The following PRKG1 variants were observed in gnomAD, a reference collection of about 807,000 sequenced individuals.
PRKG1 encodes cGMP-dependent protein kinase 1.
PRKG1 carries 35 observed loss-of-function variants against 88.1 expected under a neutral mutation model. The observed-to-expected ratio is 0.40, with a 90% CI of 0.30 to 0.53. PRKG1 has a LOEUF of 0.53. PRKG1 is among the 20% of genes least tolerant of loss of function. The pLI is 0.59. For synonymous variants in PRKG1, 303 were observed against 292.5 expected (o/e 1.04, Z -0.37); for missense variants, 540 against 839.8 (o/e 0.64, Z 4.41).
chr10:51,304,678 C>T (rs2132246706), intron 2 of PRKG1, among the ~76,000 whole-genome samples: 1 of 139,618 alleles, frequency 7.2e-6, no homozygotes, highest in Non-Finnish European at 1.5e-5. Flanking sequence ...GTTCCCCTTC[C>T]TGTGTCCATG....
At chr10:51,032,822 C>G (rs1431031800) in intron 1 of PRKG1, among the ~76,000 whole-genome samples, 1 of 151,868 alleles carries the variant, frequency 6.6e-6, no homozygotes, top group African/African-American at 2.4e-5. Flanking sequence ...TTATTCTAAG[C>G]TTTCTTATTG....
At chr10:52,179,258 C>A (rs1427388043) in intron 9 of PRKG1, among the ~76,000 whole-genome samples, 1 of 152,020 alleles carries the variant, frequency 6.6e-6, no homozygotes, top group Non-Finnish European at 1.5e-5. Context: ...GGGAGCATTT[C>A]TTCTAAGGCC....
intron 9 of PRKG1, among the ~76,000 whole-genome samples, chr10:52,229,018 A>T (rs977957475): frequency 6.6e-6 from 1 of 152,234 alleles, no homozygotes; most frequent in African/African-American, 2.4e-5. Context: ...TAATAAACTC[A>T]CATGACATGA....
chr10:51,407,762 G>A (rs939610523), intron 2 of PRKG1, among the ~76,000 whole-genome samples: 2 of 152,112 alleles, frequency 1.3e-5, no homozygotes, highest in African/African-American at 4.8e-5. Context: ...TAATCACAGG[G>A]CATGGTAACA....
intron 4 of PRKG1, among the ~76,000 whole-genome samples, chr10:51,903,126 T>C (rs1306571046): frequency 6.6e-6 from 1 of 152,150 alleles, no homozygotes; most frequent in Admixed American, 6.6e-5. Flanking sequence ...AAATGGGACA[T>C]CTACTAATAC....
chr10:51,602,155 C>T (rs534892984), intron 3 of PRKG1, among the ~76,000 whole-genome samples: 33 of 151,990 alleles, frequency 2.2e-4, no homozygotes, highest in Non-Finnish European at 1.2e-4. Flanking sequence ...TACATTAGCC[C>T]GAGGGGTTCG....
intron 3 of PRKG1, among the ~76,000 whole-genome samples, chr10:51,677,224 T>G (rs1365431564): frequency 6.6e-6 from 1 of 152,210 alleles, no homozygotes; most frequent in Non-Finnish European, 1.5e-5. Context: ...TCATTTTTAT[T>G]GTTGTCTAGT....
At chr10:51,425,543 A>C (rs1177833746) in intron 2 of PRKG1, among the ~76,000 whole-genome samples, 1 of 152,148 alleles carries the variant, frequency 6.6e-6, no homozygotes, top group African/African-American at 2.4e-5. Flanking sequence ...AGTCTGATTT[A>C]ATAGAGGAGT....
intron 3 of PRKG1, among the ~76,000 whole-genome samples, chr10:51,671,760 GTAT>G (rs1261852515): frequency 6.6e-6 from 1 of 151,948 alleles, no homozygotes; most frequent in African/African-American, 2.4e-5. Flanking sequence ...CTAATTTTTT[GTAT>G]TTTTTGTAGG....
chr10:52,204,377 C>T (rs1839759707), intron 9 of PRKG1, among the ~76,000 whole-genome samples: 1 of 152,110 alleles, frequency 6.6e-6, no homozygotes, highest in South Asian at 2.1e-4. Context: ...TGAGCCACTG[C>T]ACCCAACTGT....
intron 2 of PRKG1, among the ~76,000 whole-genome samples, chr10:51,345,332 T>G (rs985336351): frequency 6.6e-6 from 1 of 152,202 alleles, no homozygotes; most frequent in African/African-American, 2.4e-5. Context: ...TAGTATTGCC[T>G]TTAAAATTAT....
At position 51,831,211 on chromosome 10, in the gene PRKG1, C is replaced by T. The variant is rs568929659; in HGVS notation, c.698+26521C>T. 3.3e-5 allele frequency among the ~76,000 whole-genome samples: 5 copies of T among 152,170 alleles called. No homozygotes were observed. In the East Asian group the frequency reaches 7.7e-4, roughly 24 times the overall value. ...TCTACTGAAATCCAGAGTACTTTTA[C>T]AATTTAACCCTTAGCCCAAGGTATT... On this transcript the variant is annotated intron_variant, in intron 4 of 17. Coordinates refer to ENST00000373980, the MANE Select transcript of PRKG1 (RefSeq NM_006258.4).
intron 5 of PRKG1, among the ~76,000 whole-genome samples, chr10:52,039,775 T>C (rs1461928329): frequency 6.6e-6 from 1 of 152,192 alleles, no homozygotes; most frequent in Non-Finnish European, 1.5e-5. Flanking sequence ...GTATTAGCTC[T>C]GGAAAATACA....
At chr10:51,409,584 C>T (rs537907978) in intron 2 of PRKG1, among the ~76,000 whole-genome samples, 7 of 152,026 alleles carry the variant, frequency 4.6e-5, no homozygotes, top group East Asian at 1.9e-4. Context: ...TGGCCGGGCA[C>T]GGTGGCTCAT....
At chr10:51,461,856 C>G (rs534420998) in intron 2 of PRKG1, among the ~76,000 whole-genome samples, 1 of 152,292 alleles carries the variant, frequency 6.6e-6, no homozygotes, top group Non-Finnish European at 1.5e-5. Flanking sequence ...GTAGGTTGCC[C>G]CATGGCAGCC....
At chr10:50,997,723 A>C (rs1372001513) in intron 1 of PRKG1, among the ~76,000 whole-genome samples, 1 of 152,210 alleles carries the variant, frequency 6.6e-6, no homozygotes, top group Non-Finnish European at 1.5e-5. Context: ...CTGTTTCACA[A>C]AAATGAAAGC....
At position 52,079,649 on chromosome 10, in the gene PRKG1, A is replaced by G. The variant is rs1196298237; in HGVS notation, c.935+17018A>G. 2.0e-5 allele frequency among the ~76,000 whole-genome samples: 3 copies of G among 152,246 alleles called. No homozygotes were observed. The East Asian group carries it at 5.8e-4, about 29-fold the overall frequency. On this transcript the variant is annotated intron_variant, in intron 7 of 17. Coordinates refer to ENST00000373980, the MANE Select transcript of PRKG1 (RefSeq NM_006258.4). ...GGGAGAAGCAAGTGGACCATTTCTT[A>G]TCCTACCCCAGTTGGATATGTGGGC...
intron 1 of PRKG1, among the ~76,000 whole-genome samples, chr10:50,997,193 G>A (rs532164700): frequency 2.4e-4 from 36 of 152,198 alleles, no homozygotes; most frequent in Middle Eastern, 3.4e-3. Flanking sequence ...ATTTTGCATC[G>A]GTACCAGAGT....
At position 51,203,695 on chromosome 10, in the gene PRKG1, C is replaced by G. The variant is rs370237710; in HGVS notation, c.478+50365C>G. On this transcript the variant is annotated intron_variant, in intron 2 of 17. Coordinates refer to ENST00000373980, the MANE Select transcript of PRKG1 (RefSeq NM_006258.4). ...GGACAAATATCTTAAGCTCTCTAGG[C>G]CTCAGTTTTCAAATCTGTAAGGCAA... 5.3e-5 allele frequency among the ~76,000 whole-genome samples: 8 copies of G among 152,272 alleles called. No homozygotes were observed. The East Asian group carries it at 9.7e-4, about 18-fold the overall frequency.
Sources: gnomAD v4.1 joint callset for allele counts (sites outside exome capture counted in the v4.1 genomes callset) on GRCh38, gnomAD v4.1.1 for gene constraint, MANE v1.5 for transcripts, NCBI Gene and HGNC (gene_info 2026-07-23, HGNC 2026-07-21) for gene names.